The following LOXHD1 variants were observed in gnomAD, a reference collection of about 807,000 sequenced individuals.
The protein encoded by LOXHD1 is lipoxygenase homology PLAT domains 1, also known as lipoxygenase homology domain-containing protein 1.
In LOXHD1, 205 loss-of-function variants were observed where a neutral mutation model predicts 248.2. The observed-to-expected ratio is 0.83, with a 90% CI of 0.74 to 0.93. LOXHD1 has a LOEUF of 0.93. Among genes scored for constraint, LOXHD1 ranks in the 40% least tolerant of loss-of-function variants. The probability of loss-of-function intolerance (pLI) is 0.00; values close to 1 mark genes in which losing one functional copy is unlikely to be tolerated. For missense variants in LOXHD1, 2,930 were observed against 2,971.6 expected (o/e 0.99, Z 0.33); for synonymous variants, 1,113 against 1,162.8 (o/e 0.96, Z 0.87).
At chr18:46,526,869 A>G (rs2035852377) in intron 29 of LOXHD1, among the ~76,000 whole-genome samples, 1 of 152,208 alleles carries the variant, frequency 6.6e-6, no homozygotes, top group South Asian at 2.1e-4. Flanking sequence ...AGACTCTGGA[A>G]CCTGGCAATT....
Position 46,557,482 on chromosome 18 carries a change from G to T in LOXHD1, c.3224C>A (p.Thr1075Asn), listed in dbSNP as rs531695274. Residue 1075 changes from threonine to asparagine, a missense_variant, in exon 21 of 41, where the codon ACC (threonine) becomes AAC (asparagine). By Grantham distance (65) the Thr-to-Asn change is moderately conservative. Transcript: ENST00000642948. ...SNKFEQGQTD[T>N]FTIYAIDLGA... Reference sequence around the variant, plus strand: ...CAGGTCAATGGCATAGATGGTGAAGGTGTCTGTCTGGGAAGGGCCAGGGAA... The same window carrying T: ...CAGGTCAATGGCATAGATGGTGAAGTTGTCTGTCTGGGAAGGGCCAGGGAA... 1 of 1,551,894 alleles carries T rather than the reference G, an allele frequency of 6.4e-7. No homozygotes were observed. The highest frequency in any genetic ancestry group is 1.2e-5 in the South Asian group (1 of 84,050).
Position 46,518,198 on chromosome 18 carries a change from T to C in LOXHD1, c.5330A>G (p.Asn1777Ser). 1.3e-6 allele frequency: 2 copies of C among 1,551,636 alleles called. No homozygotes were observed. The highest frequency in any genetic ancestry group is 1.7e-6 in the Non-Finnish European group (2 of 1,146,938). ...GDVVGGGTDS[N>S]IFMTLYGING... ...GATGCCGTAGAGGGTCATGAAGATG[T>C]TGGAGTCAGTGCCCCCGCCAACCAC... Residue 1777 changes from asparagine to serine, a missense_variant, in exon 34 of 41, where the codon AAC (asparagine) becomes AGC (serine). Asn to Ser is a conservative substitution (Grantham distance 46). Transcript: ENST00000642948.
intron 5 of LOXHD1, among the ~76,000 whole-genome samples, chr18:46,617,397 C>A (rs2038602324): frequency 6.6e-6 from 1 of 152,162 alleles, no homozygotes; most frequent in Admixed American, 6.5e-5. Context: ...CATTTCCTGA[C>A]CCCACATGGG....
chr18:46,595,443 T>C (rs1371452210), intron 8 of LOXHD1, among the ~76,000 whole-genome samples: 3 of 152,134 alleles, frequency 2.0e-5, no homozygotes, highest in Non-Finnish European at 4.4e-5. Context: ...ACAAATATAC[T>C]GGCAATTAAT....
At chr18:46,507,510 C>A in intron 36 of LOXHD1, 28 bp downstream of exon 36, 2 of 1,550,918 alleles carry the variant, frequency 1.3e-6, no homozygotes, top group Non-Finnish European at 1.7e-6. Flanking sequence ...GGTAAGGGAG[C>A]GGGAGGTGTG....
At chr18:46,482,828 G>A (rs936675148) in intron 40 of LOXHD1, among the ~76,000 whole-genome samples, 1 of 152,170 alleles carries the variant, frequency 6.6e-6, no homozygotes, top group Admixed American at 6.5e-5. Flanking sequence ...ATGTGGGAGC[G>A]TCCACAGTGG....
intron 37 of LOXHD1, among the ~76,000 whole-genome samples, chr18:46,496,238 C>T (rs2033860155): frequency 6.6e-6 from 1 of 152,126 alleles, no homozygotes; most frequent in Admixed American, 6.5e-5. Context: ...AATTCTTGAA[C>T]TTGGGTGATT....
chr18:46,632,532 C>A (rs2038838829), intron 4 of LOXHD1, among the ~76,000 whole-genome samples: 1 of 152,192 alleles, frequency 6.6e-6, no homozygotes, highest in Non-Finnish European at 1.5e-5. Flanking sequence ...CATGCAGTTA[C>A]TCTGCCCCTT....
At chr18:46,629,408 A>G (rs957324247) in intron 4 of LOXHD1, among the ~76,000 whole-genome samples, 1 of 152,284 alleles carries the variant, frequency 6.6e-6, no homozygotes, top group East Asian at 1.9e-4. Flanking sequence ...TGGGTGTTTT[A>G]TGCTCCAATC....
intron 7 of LOXHD1, among the ~76,000 whole-genome samples, chr18:46,603,002 G>C (rs967771160): frequency 6.6e-6 from 1 of 152,126 alleles, no homozygotes; most frequent in African/African-American, 2.4e-5. Context: ...TTCATCTGTA[G>C]ATGACTTGTG....
intron 26 of LOXHD1, among the ~76,000 whole-genome samples, chr18:46,536,584 G>A (rs989306769): frequency 3.9e-5 from 6 of 152,204 alleles, no homozygotes; most frequent in South Asian, 2.1e-4. Context: ...AAAACTCCCC[G>A]GAAGTCATGC....
At chr18:46,559,275 A>C (rs1599001282) in intron 20 of LOXHD1, 173 bp downstream of exon 20, 2 of 1,533,636 alleles carry the variant, frequency 1.3e-6, no homozygotes, top group Non-Finnish European at 1.8e-6. Context: ...TTCTCTCATA[A>C]CCCCTCCACA....
chr18:46,499,833 G>T (rs1390181740), intron 37 of LOXHD1, among the ~76,000 whole-genome samples: 2 of 152,172 alleles, frequency 1.3e-5, no homozygotes, highest in African/African-American at 4.8e-5. Flanking sequence ...AGGGATTCTA[G>T]AAATTTGCTA....
Position 46,618,174 on chromosome 18 carries a change from A to G in LOXHD1, c.610+18T>C, listed in dbSNP as rs776699636. ...GTCCTGGGCTTGGCTTATGAAAAAA[A>G]TAATTCAAACCCATTACCTGTGTCT... On this transcript the variant is annotated intron_variant, in intron 5 of 40. Coordinates refer to ENST00000642948, the MANE Select transcript of LOXHD1 (RefSeq NM_001384474.1). The G allele has an allele frequency of 6.5e-6, 10 of 1,537,730 alleles. No homozygotes were observed. The highest frequency in any genetic ancestry group is 8.8e-6 in the Non-Finnish European group (10 of 1,135,394).
intron 15 of LOXHD1, among the ~76,000 whole-genome samples, chr18:46,569,871 C>T (rs1236979961): frequency 6.6e-6 from 1 of 152,210 alleles, no homozygotes; most frequent in Admixed American, 6.5e-5. Flanking sequence ...GGTTCTCTGT[C>T]TGCTCCAGAA....
At chr18:46,589,001 T>A (rs954884885) in intron 12 of LOXHD1, among the ~76,000 whole-genome samples, 2 of 152,074 alleles carry the variant, frequency 1.3e-5, no homozygotes, top group Non-Finnish European at 2.9e-5. Context: ...CCAAATTAAG[T>A]GGCAGGGAAG....
intron 21 of LOXHD1, among the ~76,000 whole-genome samples, chr18:46,554,010 G>A (rs1464589057): frequency 6.6e-6 from 1 of 152,214 alleles, no homozygotes; most frequent in Non-Finnish European, 1.5e-5. Context: ...TGCGGGCTGA[G>A]CTGACCACCA....
chr18:46,641,919 C>T, intron 3 of LOXHD1, 37 bp downstream of exon 3: 1 of 1,535,200 alleles, frequency 6.5e-7, no homozygotes, highest in East Asian at 2.5e-5. Context: ...TCACTTTCAT[C>T]TCCACCCTCA....
chr18:46,519,022 C>T (rs894546289), intron 33 of LOXHD1: 45 of 985,486 alleles, frequency 4.6e-5, no homozygotes, highest in Middle Eastern at 5.2e-4. Context: ...GAGGGTGAGG[C>T]GCAGCCTGCT....
Sources: gnomAD v4.1 joint callset for allele counts (sites outside exome capture counted in the v4.1 genomes callset) on GRCh38, gnomAD v4.1.1 for gene constraint, MANE v1.5 for transcripts, NCBI Gene and HGNC (gene_info 2026-07-23, HGNC 2026-07-21) for gene names.